Variants in MAGI2 observed in about 807,000 individuals in gnomAD.
MAGI2 encodes the protein membrane associated guanylate kinase, WW and PDZ domain containing 2, also known as membrane-associated guanylate kinase, WW and PDZ domain-containing protein 2.
A neutral mutation model predicts 133.3 loss-of-function variants in MAGI2; 35 were observed. That is an observed-to-expected ratio of 0.26 (90% confidence interval 0.20 to 0.35). The LOEUF (loss-of-function observed/expected upper bound fraction) is 0.35. MAGI2 is among the 10% of genes least tolerant of loss of function. The pLI is 1.00. For synonymous variants in MAGI2, 729 were observed against 710.6 expected, an observed-to-expected ratio of 1.03 and a Z score of -0.41; for missense variants, 1,636 against 1,863.4, an observed-to-expected ratio of 0.88 and a Z score of 2.25.
chr7:78,964,777 T>C (rs1248014706), intron 2 of MAGI2, among the ~76,000 whole-genome samples: 7 of 151,974 alleles, frequency 4.6e-5, no homozygotes, highest in Admixed American at 4.6e-4. Context: ...AGAAATGAAA[T>C]GACTTTCCCT....
intron 2 of MAGI2, among the ~76,000 whole-genome samples, chr7:78,992,357 A>C (rs899452761): frequency 1.6e-4 from 24 of 152,076 alleles, no homozygotes; most frequent in African/African-American, 5.3e-4. Flanking sequence ...TCATGTGTAC[A>C]TAATAGCTCT....
chr7:79,019,520 G>A (rs1436534690), intron 1 of MAGI2, among the ~76,000 whole-genome samples: 2 of 151,838 alleles, frequency 1.3e-5, no homozygotes, highest in Admixed American at 6.6e-5. Context: ...ACCCAATCTT[G>A]GGTATTTCTT....
intron 1 of MAGI2, among the ~76,000 whole-genome samples, chr7:79,118,757 T>A (rs555502738): frequency 6.6e-6 from 1 of 152,230 alleles, no homozygotes; most frequent in South Asian, 2.1e-4. Flanking sequence ...ATATCCCTCA[T>A]GACCTCCTCC....
Position 79,453,568 on chromosome 7 carries a change from CA to C in MAGI2, c.-249del, listed in dbSNP as rs1849449102. 6.6e-6 allele frequency: 8 copies of C among 1,206,886 alleles called. No individual in the cohort carries two copies. The highest frequency in any genetic ancestry group is 8.2e-6 in the Non-Finnish European group (8 of 971,430). The allele number at this position is 1,206,886 out of a possible 1,614,324, so 74.8% of individuals were successfully genotyped here. ...GTTGTGCTGTCCCTTGAATGACACT[CA>C]AGGCTGTGGCCCCGCAGCAGAGGAA... On this transcript the variant is annotated 5_prime_UTR_variant, in exon 1 of 22. Coordinates refer to ENST00000354212, the MANE Select transcript of MAGI2 (RefSeq NM_012301.4).
rs138325026 is a variant in MAGI2, at chr7:78,822,835, A to G, written c.418+184255T>C. Reference sequence around the variant, plus strand: ...TGTAACTTTGTAAGTCAAATAAGTTATGAGTATACAATGCAAGCCACTAGA... The same window carrying G: ...TGTAACTTTGTAAGTCAAATAAGTTGTGAGTATACAATGCAAGCCACTAGA... On this transcript the variant is annotated intron_variant, in intron 2 of 21. Coordinates refer to ENST00000354212, the MANE Select transcript of MAGI2 (RefSeq NM_012301.4). 3.4e-3 allele frequency among the ~76,000 whole-genome samples: 522 copies of G among 152,332 alleles called. 6 individuals carry two copies. Among genetic ancestry groups the G allele is most frequent in the African/African-American group, 0.012 (508 of 41,588 alleles).
intron 2 of MAGI2, among the ~76,000 whole-genome samples, chr7:78,674,051 G>T (rs564108661): frequency 6.6e-6 from 1 of 152,234 alleles, no homozygotes; most frequent in South Asian, 2.1e-4. Flanking sequence ...TAAATTAAAA[G>T]AGACAATCAT....
intron 2 of MAGI2, among the ~76,000 whole-genome samples, chr7:78,660,620 T>C (rs924746702): frequency 1.3e-5 from 2 of 152,200 alleles, no homozygotes; most frequent in African/African-American, 2.4e-5. Flanking sequence ...CTATAAATGA[T>C]ATGACATATT....
intron 1 of MAGI2, among the ~76,000 whole-genome samples, chr7:79,389,390 A>C (rs2129149193): frequency 6.6e-6 from 1 of 152,280 alleles, no homozygotes; most frequent in Admixed American, 6.5e-5. Flanking sequence ...AACTAAAAAT[A>C]AAATATACTT....
intron 2 of MAGI2, among the ~76,000 whole-genome samples, chr7:78,666,866 G>C (rs1813649203): frequency 6.6e-6 from 1 of 152,110 alleles, no homozygotes; most frequent in Admixed American, 6.6e-5. Context: ...CAGATTCTTA[G>C]TCTATTGCTC....
chr7:79,452,341 TAGTC>T (rs1849339100), intron 1 of MAGI2, among the ~76,000 whole-genome samples: 1 of 152,150 alleles, frequency 6.6e-6, no homozygotes, highest in South Asian at 2.1e-4. Flanking sequence ...GCGCAGGGGT[TAGTC>T]AGTACGCACG....
At chr7:78,294,089 T>C (rs567724515) in intron 9 of MAGI2, among the ~76,000 whole-genome samples, 6 of 152,114 alleles carry the variant, frequency 3.9e-5, no homozygotes, top group South Asian at 4.2e-4. Context: ...AAAAAATATA[T>C]ATAATTCTTT....
At chr7:78,250,360 C>T (rs1045994427) in intron 10 of MAGI2, among the ~76,000 whole-genome samples, 1 of 151,974 alleles carries the variant, frequency 6.6e-6, no homozygotes, top group African/African-American at 2.4e-5. Flanking sequence ...AAGGGAAACA[C>T]AACATAGTAA....
chr7:78,728,818 G>C (rs895068661), intron 2 of MAGI2, among the ~76,000 whole-genome samples: 2 of 124,542 alleles, frequency 1.6e-5, no homozygotes, highest in Non-Finnish European at 3.5e-5. Flanking sequence ...GCCCGCCTCG[G>C]CCTCCCAAAG....
intron 21 of MAGI2, among the ~76,000 whole-genome samples, chr7:78,062,153 T>A (rs146298703): frequency 4.6e-5 from 7 of 152,290 alleles, no homozygotes; most frequent in Admixed American, 4.6e-4. Flanking sequence ...GGTATCTTAC[T>A]CATCTTTGCA....
rs1428038241 is a variant in MAGI2 at position 78,232,195 on chromosome 7, C to T, written c.2047+23748G>A. 2.0e-5 allele frequency among the ~76,000 whole-genome samples: 3 copies of T among 152,176 alleles called. No individual in the cohort carries two copies. The East Asian group carries it at 5.8e-4, about 29-fold the overall frequency. On this transcript the variant is annotated intron_variant, in intron 10 of 21. Coordinates refer to ENST00000354212, the MANE Select transcript of MAGI2 (RefSeq NM_012301.4). Reference sequence around the variant, plus strand: ...TTTCTGACAAGGGCAAATAGCTAAACACTGTTTGCTAGACACTAAAATATA... The same window carrying T: ...TTTCTGACAAGGGCAAATAGCTAAATACTGTTTGCTAGACACTAAAATATA...
chr7:78,734,456 C>G (rs1218114867), intron 2 of MAGI2, among the ~76,000 whole-genome samples: 1 of 152,108 alleles, frequency 6.6e-6, no homozygotes, highest in African/African-American at 2.4e-5. Context: ...TTATAGGACC[C>G]AAGGCAATAC....
intron 9 of MAGI2, among the ~76,000 whole-genome samples, chr7:78,331,406 T>G (rs188384073): frequency 1.8e-4 from 28 of 152,342 alleles, no homozygotes; most frequent in Non-Finnish European, 4.1e-4. Context: ...GCAGTCCAGA[T>G]AGCAGAATCC....
chr7:79,120,001 A>G (rs1012145026), intron 1 of MAGI2, among the ~76,000 whole-genome samples: 13 of 152,074 alleles, frequency 8.5e-5, no homozygotes, highest in African/African-American at 3.1e-4. Context: ...TTAGGCATTA[A>G]CTGATAGCAA....
intron 4 of MAGI2, among the ~76,000 whole-genome samples, chr7:78,511,547 A>G (rs1287101950): frequency 1.8e-5 from 2 of 110,148 alleles, no homozygotes; most frequent in Non-Finnish European, 3.8e-5. Flanking sequence ...ATATATATAT[A>G]TAAATTTTTT....
Sources: gnomAD v4.1 joint callset for allele counts (sites outside exome capture counted in the v4.1 genomes callset) on GRCh38, gnomAD v4.1.1 for gene constraint, MANE v1.5 for transcripts, NCBI Gene and HGNC (gene_info 2026-07-23, HGNC 2026-07-21) for gene names.